The following EXOC2 variants were observed in gnomAD, a reference collection of about 807,000 sequenced individuals.
EXOC2 encodes the protein exocyst complex component 2.
A neutral mutation model predicts 131.8 loss-of-function variants in EXOC2; 70 were observed. The ratio of observed to expected loss-of-function variants is 0.53; its 90% CI spans 0.44 to 0.65. The LOEUF (loss-of-function observed/expected upper bound fraction) is 0.65, where lower values mean the gene tolerates loss of function less well. Among genes scored for constraint, EXOC2 ranks in the 30% least tolerant of loss-of-function variants. The pLI, the probability that EXOC2 is intolerant of heterozygous loss-of-function variation, is 0.00. For synonymous variants in EXOC2, 411 were observed against 398.4 expected, an observed-to-expected ratio of 1.03 and a Z score of -0.38; for missense variants, 923 against 1,108.6, an observed-to-expected ratio of 0.83 and a Z score of 2.38.
chr6:539,254 T>G (rs1581393778), intron 22 of EXOC2, among the ~76,000 whole-genome samples: 1 of 152,264 alleles, frequency 6.6e-6, no homozygotes, highest in Middle Eastern at 3.4e-3. Flanking sequence ...ATTAAAAAAC[T>G]GTGGGTAATA....
intron 10 of EXOC2, among the ~76,000 whole-genome samples, chr6:594,072 A>G (rs998130295): frequency 1.5e-4 from 23 of 152,244 alleles, no homozygotes; most frequent in African/African-American, 5.3e-4. Flanking sequence ...GGTTGCAAAC[A>G]GGATGTGTCT....
intron 17 of EXOC2, among the ~76,000 whole-genome samples, chr6:560,114 A>T (rs1345758254): frequency 6.6e-6 from 1 of 152,240 alleles, no homozygotes. Flanking sequence ...TTATTATCAT[A>T]GTAGCCCAGT....
In EXOC2 at chr6:627,158, T is replaced by C. The variant is rs551014794; in HGVS notation, c.422+2677A>G. 5.9e-5 allele frequency among the ~76,000 whole-genome samples: 9 copies of C among 151,818 alleles called. No homozygotes were observed. In the East Asian group the frequency reaches 1.7e-3, roughly 29 times the overall value. On this transcript the variant is annotated intron_variant, in intron 4 of 27. Transcript: ENST00000230449. ...TCAACATTCTACAGTCTGCCTTTCCTTCCTTTTATCTTTCTCTAAAACAAG... is the reference window on the plus strand; with the variant it reads ...TCAACATTCTACAGTCTGCCTTTCCCTCCTTTTATCTTTCTCTAAAACAAG...
intron 7 of EXOC2, among the ~76,000 whole-genome samples, chr6:607,500 G>A (rs886845787): frequency 3.3e-5 from 5 of 152,184 alleles, no homozygotes; most frequent in African/African-American, 1.2e-4. Flanking sequence ...CACAGCTACT[G>A]CTACAAATAC....
intron 23 of EXOC2, among the ~76,000 whole-genome samples, chr6:504,858 G>A (rs1313611766): frequency 6.6e-6 from 1 of 152,154 alleles, no homozygotes; most frequent in Non-Finnish European, 1.5e-5. Flanking sequence ...CCCACCCTAA[G>A]AGAGCTTACA....
intron 25 of EXOC2, among the ~76,000 whole-genome samples, chr6:492,522 A>G (rs1053681108): frequency 6.6e-6 from 1 of 152,214 alleles, no homozygotes; most frequent in African/African-American, 2.4e-5. Flanking sequence ...TCAGCTGATG[A>G]ATGGATAAAT....
At chr6:625,003 G>A (rs1051030781) in intron 4 of EXOC2, among the ~76,000 whole-genome samples, 9 of 152,200 alleles carry the variant, frequency 5.9e-5, no homozygotes, top group African/African-American at 1.4e-4. Flanking sequence ...GTAAACTCAC[G>A]AAATGTTTTC....
chr6:503,108 A>AT (rs1485158784), intron 23 of EXOC2, among the ~76,000 whole-genome samples: 2 of 152,286 alleles, frequency 1.3e-5, no homozygotes, highest in East Asian at 3.9e-4. Context: ...ATAAAAATAA[A>AT]TCATTGATGG....
rs186820618 is a variant in EXOC2, at chr6:559,774, C to T, written c.1851+3010G>A. Among the ~76,000 whole-genome samples, 560 of 152,280 alleles carry T rather than the reference C, an allele frequency of 3.7e-3. 4 individuals carry two copies. The highest frequency in any genetic ancestry group is 0.012 in the South Asian group (60 of 4,822). On this transcript the variant is annotated intron_variant, in intron 17 of 27. Transcript: ENST00000230449. ...TCCAGGGAAGCACACACTGGCTGACCACGTGTACCCGAGGCACTGACCTGA... is the reference window on the plus strand; with the variant it reads ...TCCAGGGAAGCACACACTGGCTGACTACGTGTACCCGAGGCACTGACCTGA...
At chr6:567,123 C>T (rs1413100322) in intron 13 of EXOC2, among the ~76,000 whole-genome samples, 1 of 152,234 alleles carries the variant, frequency 6.6e-6, no homozygotes, top group African/African-American at 2.4e-5. Context: ...TCTGAACACA[C>T]CACCAAGGTG....
chr6:618,753 C>G (rs185265286), intron 5 of EXOC2, among the ~76,000 whole-genome samples: 10 of 152,250 alleles, frequency 6.6e-5, no homozygotes, highest in Non-Finnish European at 1.5e-4. Flanking sequence ...ATGCTTTTCA[C>G]CCTAATAAAT....
intron 14 of EXOC2, 69 bp downstream of exon 14, chr6:564,795 T>G (rs776305235): frequency 1.9e-6 from 3 of 1,584,610 alleles, no homozygotes; most frequent in Admixed American, 3.8e-5. Context: ...ATGGATGTCT[T>G]GAATACAAAG....
intron 6 of EXOC2, 30 bp downstream of exon 6, chr6:617,681 G>A: frequency 6.2e-7 from 1 of 1,600,576 alleles, no homozygotes; most frequent in Non-Finnish European, 8.5e-7. Flanking sequence ...GGCGGAAGCT[G>A]CCAGCAGATG....
At chr6:555,499 A>T (rs1173049118) in intron 19 of EXOC2, among the ~76,000 whole-genome samples, 1 of 152,232 alleles carries the variant, frequency 6.6e-6, no homozygotes, top group Non-Finnish European at 1.5e-5. Flanking sequence ...CATAAGTAAT[A>T]GACAATTAGA....
intron 1 of EXOC2, chr6:689,348 A>C (rs752699907): frequency 2.6e-5 from 4 of 152,382 alleles, no homozygotes; most frequent in Non-Finnish European, 5.9e-5. Flanking sequence ...GAGCTGGCCT[A>C]ATAAAACTTT....
At chr6:691,213 A>G (rs1367999845) in intron 1 of EXOC2, among the ~76,000 whole-genome samples, 1 of 152,234 alleles carries the variant, frequency 6.6e-6, no homozygotes, top group Admixed American at 6.5e-5. Context: ...TGATTCTTAC[A>G]TAATGGGCTC....
intron 22 of EXOC2, among the ~76,000 whole-genome samples, chr6:537,205 ATG>A (rs1766497975): frequency 2.5e-5 from 3 of 121,306 alleles, no homozygotes; most frequent in African/African-American, 9.5e-5. Context: ...TACACTCGAG[ATG>A]ACGACCGACG....
chr6:513,110 G>GT (rs1764945209), intron 23 of EXOC2, among the ~76,000 whole-genome samples: 1 of 152,210 alleles, frequency 6.6e-6, no homozygotes, highest in African/African-American at 2.4e-5. Flanking sequence ...AATGCAGCTG[G>GT]TGGTGTCTTT....
At chr6:584,574 T>A (rs1759096578) in intron 11 of EXOC2, among the ~76,000 whole-genome samples, 1 of 152,254 alleles carries the variant, frequency 6.6e-6, no homozygotes, top group African/African-American at 2.4e-5. Context: ...AGCCTGTTAT[T>A]CAGTTTTCTT....
Sources: allele counts gnomAD v4.1 joint callset (sites outside exome capture counted in the v4.1 genomes callset), GRCh38; gene constraint gnomAD v4.1.1; transcripts MANE v1.5; gene names NCBI Gene and HGNC (gene_info 2026-07-23, HGNC 2026-07-21).